BANK1: variants seen among roughly 807,000 people sequenced by gnomAD.
BANK1 encodes B-cell scaffold protein with ankyrin repeats.
In BANK1, 95 loss-of-function variants were observed where a neutral mutation model predicts 94.5. The ratio of observed to expected loss-of-function variants is 1.00; its 90% CI spans 0.85 to 1.19. The LOEUF (loss-of-function observed/expected upper bound fraction) is 1.19, where lower values mean the gene tolerates loss of function less well. Ranked by LOEUF, BANK1 falls within the 50% of genes most tolerant of loss-of-function variation. The pLI is 0.00. For synonymous variants in BANK1, 334 were observed against 308.4 expected (o/e 1.08, Z -0.87); for missense variants, 987 against 932.2 (o/e 1.06, Z -0.77).
Position 102,051,228 on chromosome 4 carries a change from T to G in BANK1, c.1969+7321T>G, listed in dbSNP as rs1315172058. Among the ~76,000 whole-genome samples, 6 of 152,302 alleles carry G rather than the reference T, an allele frequency of 3.9e-5. No individual in the cohort carries two copies. The East Asian group carries it at 9.7e-4, about 25-fold the overall frequency. On this transcript the variant is annotated intron_variant, in intron 11 of 16. Transcript: ENST00000322953. ...GCTGTTTTTGCCAGTACTGGATATA[T>G]TAAACAGAAAAGAGGGAAAATTGTC...
intron 7 of BANK1, among the ~76,000 whole-genome samples, chr4:101,922,010 G>A (rs1382508413): frequency 1.1e-4 from 1 of 8,818 alleles, no homozygotes; most frequent in African/African-American, 1.9e-4. Flanking sequence ...CACTGGGCCC[G>A]TGTGTGTGTG....
chr4:102,005,421 A>T (rs1251107060), intron 7 of BANK1, among the ~76,000 whole-genome samples: 1 of 152,134 alleles, frequency 6.6e-6, no homozygotes, highest in African/African-American at 2.4e-5. Flanking sequence ...GGTTATGGAT[A>T]TGAATCATTA....
chr4:102,053,602 C>A (rs1344154632), intron 11 of BANK1, among the ~76,000 whole-genome samples: 1 of 151,690 alleles, frequency 6.6e-6, no homozygotes, highest in African/African-American at 2.4e-5. Flanking sequence ...GCCATTCTGT[C>A]ATTATGAAAG....
In BANK1 at chr4:101,950,064, C is replaced by T. The variant is rs201417372; in HGVS notation, c.1206+31875C>T. Among the ~76,000 whole-genome samples the T allele has an allele frequency of 5.2e-3, 604 of 116,680 alleles. 7 individuals are homozygous for T. Among genetic ancestry groups the T allele is most frequent in the Admixed American group, 9.5e-3 (118 of 12,414 alleles). 76.5% of individuals were successfully genotyped at this position (116,680 alleles called of 152,430 possible). A position where few individuals can be genotyped will look rare whatever the true frequency, so the allele number is the denominator to read the frequency against. ...GTGTGTGTGTGTGTGTGTGTGTGCG[C>T]GTGCGCGCGCATGTGCCTACACAAA... On this transcript the variant is annotated intron_variant, in intron 7 of 16. Transcript: ENST00000322953.
chr4:101,830,818 T>A (rs1026406526), intron 2 of BANK1, among the ~76,000 whole-genome samples: 9 of 152,226 alleles, frequency 5.9e-5, no homozygotes, highest in Non-Finnish European at 1.2e-4. Context: ...TAGTCTGCCC[T>A]TTGCTCTCAA....
In BANK1 at chr4:102,042,061, A is replaced by T. The variant is rs190865208; in HGVS notation, c.1901-1778A>T. Among the ~76,000 whole-genome samples the T allele has an allele frequency of 8.5e-3, 1,290 of 152,138 alleles. 20 individuals are homozygous for T. The highest frequency in any genetic ancestry group is 0.029 in the African/African-American group (1,213 of 41,530). On this transcript the variant is annotated intron_variant, in intron 10 of 16. Coordinates refer to ENST00000322953, the MANE Select transcript of BANK1 (RefSeq NM_017935.5). ...CTGAATAGATCTTTGGATTCAGGTC[A>T]TTTCCCATATGAATGACGCCAGCTT...
intron 1 of BANK1, among the ~76,000 whole-genome samples, chr4:101,801,859 T>C (rs190712620): frequency 6.6e-6 from 1 of 152,270 alleles, no homozygotes; most frequent in Non-Finnish European, 1.5e-5. Context: ...TAATATTTGC[T>C]GCTGTTGAAC....
chr4:102,010,641 C>CT (rs1349757155), intron 7 of BANK1, among the ~76,000 whole-genome samples: 1 of 152,122 alleles, frequency 6.6e-6, no homozygotes, highest in Non-Finnish European at 1.5e-5. Context: ...GATCCATCCA[C>CT]TTTGGCCTCC....
At chr4:101,880,580 T>A (rs545011270) in intron 5 of BANK1, among the ~76,000 whole-genome samples, 11 of 152,030 alleles carry the variant, frequency 7.2e-5, no homozygotes. Flanking sequence ...AAAACTATCC[T>A]AAAGTTTATA....
chr4:102,047,965 AAT>A (rs1369080409), intron 11 of BANK1, among the ~76,000 whole-genome samples: 1 of 152,158 alleles, frequency 6.6e-6, no homozygotes, highest in Non-Finnish European at 1.5e-5. Flanking sequence ...CTAATTATGC[AAT>A]ATTGTATTGA....
chr4:102,044,824 TG>T (rs1727824925), intron 11 of BANK1, among the ~76,000 whole-genome samples: 1 of 104,526 alleles, frequency 9.6e-6, no homozygotes, highest in Admixed American at 1.1e-4. Context: ...GCTGCATAAA[TG>T]TCTTCTTTTG....
At chr4:102,044,050 CT>C (rs751083616) in intron 11 of BANK1, 143 bp downstream of exon 11, 18 of 490,806 alleles carry the variant, frequency 3.7e-5, no homozygotes, top group Non-Finnish European at 5.1e-5. Context: ...TATTATTATA[CT>C]TTAAGTTTTA....
chr4:101,813,929 C>G, intron 1 of BANK1: 2 of 981,894 alleles, frequency 2.0e-6, no homozygotes, highest in Non-Finnish European at 2.4e-6. Context: ...TCAGCCTATT[C>G]TTTGTTTTGG....
At chr4:101,811,831 T>C (rs1286520064) in intron 1 of BANK1, among the ~76,000 whole-genome samples, 2 of 152,086 alleles carry the variant, frequency 1.3e-5, no homozygotes, top group African/African-American at 4.8e-5. Flanking sequence ...TCACCACAGG[T>C]CTTAATGAGA....
intron 7 of BANK1, among the ~76,000 whole-genome samples, chr4:101,921,323 C>T (rs115133067): frequency 0.026 from 3,926 of 151,934 alleles, 182 homozygotes; most frequent in African/African-American, 0.091. Flanking sequence ...TTCACAACTG[C>T]GTATGAACAA....
intron 5 of BANK1, among the ~76,000 whole-genome samples, chr4:101,887,764 GT>G (rs1464314426): frequency 6.6e-6 from 1 of 152,006 alleles, no homozygotes; most frequent in African/African-American, 2.4e-5. Context: ...TTATATGTTT[GT>G]TTTTATATTT....
chr4:102,038,977 T>G (rs1400461322), intron 10 of BANK1, among the ~76,000 whole-genome samples: 1 of 152,200 alleles, frequency 6.6e-6, no homozygotes, highest in African/African-American at 2.4e-5. Flanking sequence ...TTAGAATTTT[T>G]ACGCCATTTT....
At chr4:101,883,381 G>T (rs1323846439) in intron 5 of BANK1, among the ~76,000 whole-genome samples, 1 of 152,002 alleles carries the variant, frequency 6.6e-6, no homozygotes, top group Non-Finnish European at 1.5e-5. Context: ...CCTTAATATT[G>T]ATTCTCTACA....
rs191351432 is a variant in BANK1 at position 101,909,022 on chromosome 4, A to G, written c.1010-8971A>G. Among the ~76,000 whole-genome samples the G allele has an allele frequency of 2.0e-5, 3 of 152,344 alleles. 1 individual carries two copies. Among genetic ancestry groups the G allele is most frequent in the Middle Eastern group, 6.8e-3 (2 of 294 alleles). On this transcript the variant is annotated intron_variant, in intron 6 of 16. Transcript: ENST00000322953. ...GGTGATTCCTCAAGGATCTAGAACTAGAAATACTATTTGACCCAGCCATCC... is the reference window on the plus strand; with the variant it reads ...GGTGATTCCTCAAGGATCTAGAACTGGAAATACTATTTGACCCAGCCATCC...
Sources: gnomAD v4.1 joint callset for allele counts (sites outside exome capture counted in the v4.1 genomes callset) on GRCh38, gnomAD v4.1.1 for gene constraint, MANE v1.5 for transcripts, NCBI Gene and HGNC (gene_info 2026-07-23, HGNC 2026-07-21) for gene names.